Variants in SCAPER observed in about 807,000 individuals in gnomAD.
The protein encoded by SCAPER is S phase cyclin A-associated protein in the endoplasmic reticulum.
SCAPER carries 98 observed loss-of-function variants against 182.2 expected under a neutral mutation model. That is an observed-to-expected ratio of 0.54 (90% CI 0.46 to 0.64). SCAPER has a LOEUF of 0.64. Ranked by LOEUF, SCAPER falls within the 30% of genes least tolerant of loss-of-function variation. The pLI, the probability that SCAPER is intolerant of heterozygous loss-of-function variation, is 0.00. For synonymous variants in SCAPER, 605 were observed against 564.6 expected, an observed-to-expected ratio of 1.07 and a Z score of -1.01; for missense variants, 1,432 against 1,690.0, an observed-to-expected ratio of 0.85 and a Z score of 2.68.
In SCAPER at chr15:76,381,374, G is replaced by A. The variant is rs1171621959; in HGVS notation, c.3705+4C>T. ...TAACATCGATATAAACCAATACTTG[G>A]TACCTGAAAAGCAGGCAGATGAAGA... On this transcript the variant is annotated splice_donor_region_variant and intron_variant, in intron 28 of 31. Transcript: ENST00000563290. 1 of 1,608,420 alleles carries A rather than the reference G, an allele frequency of 6.2e-7. No individual in the cohort carries two copies. Among genetic ancestry groups the A allele is most frequent in the Non-Finnish European group, 8.5e-7 (1 of 1,176,382 alleles).
chr15:76,420,394 G>A (rs2142329978), intron 26 of SCAPER, among the ~76,000 whole-genome samples: 1 of 151,730 alleles, frequency 6.6e-6, no homozygotes, highest in East Asian at 1.9e-4. Flanking sequence ...CTTACATACA[G>A]AAAATCCTAA....
chr15:76,463,425 G>A (rs2142986499), intron 25 of SCAPER, among the ~76,000 whole-genome samples: 1 of 152,216 alleles, frequency 6.6e-6, no homozygotes, highest in South Asian at 2.1e-4. Flanking sequence ...GATTTCCTTT[G>A]TTTGTATCCA....
Position 76,369,245 on chromosome 15 carries a change from C to T in SCAPER, c.3855+6917G>A, listed in dbSNP as rs543623421. 7.6e-4 allele frequency among the ~76,000 whole-genome samples: 116 copies of T among 152,342 alleles called. 1 individual carries two copies. The highest frequency in any genetic ancestry group is 2.7e-3 in the African/African-American group (112 of 41,596). Reference sequence around the variant, plus strand: ...ATGCCCTGTCTTATAAAGACACAAGCTGCTTTCCCAGTAGGAAATCTATGA... The same window carrying T: ...ATGCCCTGTCTTATAAAGACACAAGTTGCTTTCCCAGTAGGAAATCTATGA... On this transcript the variant is annotated intron_variant, in intron 29 of 31. Transcript: ENST00000563290.
At chr15:76,404,771 A>AC in intron 26 of SCAPER, 92 bp from the exon 27 acceptor site, 1 of 1,280,366 alleles carries the variant, frequency 7.8e-7, no homozygotes, top group Non-Finnish European at 1.1e-6. Context: ...ACAGGCTTGG[A>AC]CCCCTCAAAC....
intron 24 of SCAPER, among the ~76,000 whole-genome samples, chr15:76,492,360 A>C (rs2052403406): frequency 6.6e-6 from 1 of 152,238 alleles, no homozygotes; most frequent in Non-Finnish European, 1.5e-5. Context: ...TTATTAAAAC[A>C]ATGAATTTTA....
Position 76,819,046 on chromosome 15 carries a change from C to T in SCAPER, c.394-14413G>A, listed in dbSNP as rs542014809. 1.5e-3 allele frequency among the ~76,000 whole-genome samples: 232 copies of T among 152,300 alleles called. 1 individual carries two copies. The highest frequency in any genetic ancestry group is 5.4e-3 in the African/African-American group (226 of 41,542). On this transcript the variant is annotated intron_variant, in intron 5 of 31. Coordinates refer to ENST00000563290, the MANE Select transcript of SCAPER (RefSeq NM_020843.4). ...CGGCAGCGAGGCAGGGGGAGGAGCA[C>T]CCACCATTGCCAAGACTTGAGTAGG...
chr15:76,353,989 TC>T lies in SCAPER; in HGVS notation c.4006del (p.Glu1336SerfsTer4). On this transcript the variant is annotated frameshift_variant, in exon 30 of 32. Transcript: ENST00000563290. LOFTEE classifies it high-confidence loss of function. Reference protein sequence around the residue: ...YNNHQNKIILEQEMSCVLLAT... With the variant: ...YNNHQNKIILXQEMSCVLLAT... The stretch of plus-strand genomic sequence containing the variant: ...CAGTAAAACACAGCTCATCTCTTGC[TC>T]CAGAATGATCTTGTTCTGATGGTTG... 1 of 1,598,232 alleles carries T rather than the reference TC, an allele frequency of 6.3e-7. No individual in the cohort carries two copies. The highest frequency in any genetic ancestry group is 1.8e-5 in the Admixed American group (1 of 55,602).
At chr15:76,754,842 T>C (rs2062316858) in intron 14 of SCAPER, among the ~76,000 whole-genome samples, 1 of 152,120 alleles carries the variant, frequency 6.6e-6, no homozygotes, top group Non-Finnish European at 1.5e-5. Context: ...AAACAACACT[T>C]AGCCTCTCCT....
At chr15:76,350,730 T>C (rs1164981321) in intron 31 of SCAPER, 1 of 152,384 alleles carries the variant, frequency 6.6e-6, no homozygotes, top group East Asian at 1.9e-4. Flanking sequence ...TCTTTTGCCC[T>C]GGACTTTGCC....
intron 21 of SCAPER, among the ~76,000 whole-genome samples, chr15:76,628,246 T>C (rs561071345): frequency 9.8e-5 from 15 of 152,312 alleles, no homozygotes; most frequent in African/African-American, 3.1e-4. Context: ...TTTGCTCTGA[T>C]AGTTTCTTTT....
chr15:76,722,849 T>C lies in SCAPER; in HGVS notation c.2165+5746A>G, dbSNP rs1011420639. Among the ~76,000 whole-genome samples, 7 of 152,316 alleles carry C rather than the reference T, an allele frequency of 4.6e-5. No individual in the cohort carries two copies. The East Asian group carries it at 7.7e-4, about 17-fold the overall frequency. On this transcript the variant is annotated intron_variant, in intron 17 of 31. Coordinates refer to ENST00000563290, the MANE Select transcript of SCAPER (RefSeq NM_020843.4). The stretch of plus-strand genomic sequence containing the variant: ...CTTTATTAGTCTTGCTAGCAGTCTA[T>C]CGATTTTGCTGATCTTTTAAAAAAA...
intron 22 of SCAPER, among the ~76,000 whole-genome samples, chr15:76,618,181 A>C (rs568946538): frequency 2.0e-4 from 31 of 152,206 alleles, no homozygotes; most frequent in African/African-American, 7.2e-4. Flanking sequence ...AACCACTTGA[A>C]CCCGGGAGGA....
intron 23 of SCAPER, among the ~76,000 whole-genome samples, chr15:76,569,082 C>G (rs1454650466): frequency 6.6e-6 from 1 of 151,848 alleles, no homozygotes; most frequent in Admixed American, 6.6e-5. Context: ...TAGTTAGAAC[C>G]CCCATTTTAA....
intron 20 of SCAPER, among the ~76,000 whole-genome samples, chr15:76,667,109 C>A (rs555524848): frequency 3.9e-5 from 6 of 152,264 alleles, no homozygotes; most frequent in East Asian, 3.9e-4. Flanking sequence ...AGCTCTCATT[C>A]GCTCCCAAAC....
rs1327309588 is a variant in SCAPER at position 76,594,275 on chromosome 15, G to GA, written c.2712-19992dup. Among the ~76,000 whole-genome samples, 2 of 119,776 alleles carry GA rather than the reference G, an allele frequency of 1.7e-5. 1 individual carries two copies. The highest frequency in any genetic ancestry group is 5.1e-5 in the African/African-American group (2 of 39,384). 78.6% of individuals were successfully genotyped at this position (119,776 alleles called of 152,430 possible). ...TATAAAGCATGAAGACAAGATTAGA[G>GA]AAAAAAGAATAGAAAGGAATGAACA... On this transcript the variant is annotated intron_variant, in intron 22 of 31. Coordinates refer to ENST00000563290, the MANE Select transcript of SCAPER (RefSeq NM_020843.4).
At position 76,699,278 on chromosome 15, in the gene SCAPER, G is replaced by A. The variant is rs188421957; in HGVS notation, c.2508+2480C>T. Reference sequence around the variant, plus strand: ...ATTCTTTCTCTTGCCTGACTGCTCTGGCTAGGCCTTCCAGTACTATGTTGA... The same window carrying A: ...ATTCTTTCTCTTGCCTGACTGCTCTAGCTAGGCCTTCCAGTACTATGTTGA... On this transcript the variant is annotated intron_variant, in intron 20 of 31. Coordinates refer to ENST00000563290, the MANE Select transcript of SCAPER (RefSeq NM_020843.4). Among the ~76,000 whole-genome samples the A allele has an allele frequency of 2.0e-5, 3 of 152,232 alleles. No individual in the cohort carries two copies. The East Asian group carries it at 5.8e-4, about 29-fold the overall frequency.
intron 4 of SCAPER, among the ~76,000 whole-genome samples, chr15:76,857,293 C>T (rs1409249843): frequency 1.3e-5 from 2 of 151,922 alleles, no homozygotes; most frequent in Non-Finnish European, 2.9e-5. Context: ...ATTAGCCGGG[C>T]ATGGTGACAC....
intron 20 of SCAPER, among the ~76,000 whole-genome samples, chr15:76,681,214 T>C (rs941593911): frequency 1.3e-5 from 2 of 152,190 alleles, no homozygotes; most frequent in Admixed American, 1.3e-4. Flanking sequence ...GAAAAATCTA[T>C]TCCTAACCCT....
chr15:76,488,415 T>C (rs1234746893), intron 24 of SCAPER, among the ~76,000 whole-genome samples: 1 of 152,144 alleles, frequency 6.6e-6, no homozygotes, highest in African/African-American at 2.4e-5. Flanking sequence ...TAATGATTAC[T>C]GAAAACAGCT....
Sources: gnomAD v4.1 joint callset for allele counts (sites outside exome capture counted in the v4.1 genomes callset) on GRCh38, gnomAD v4.1.1 for gene constraint, MANE v1.5 for transcripts, NCBI Gene and HGNC (gene_info 2026-07-23, HGNC 2026-07-21) for gene names.